The following AGTPBP1 variants were observed in gnomAD, a reference collection of about 807,000 sequenced individuals.
The protein encoded by AGTPBP1 is ATP/GTP binding carboxypeptidase 1, also known as cytosolic carboxypeptidase 1.
A neutral mutation model predicts 143.9 loss-of-function variants in AGTPBP1; 70 were observed. The ratio of observed to expected loss-of-function variants is 0.49; its 90% confidence interval spans 0.40 to 0.59. The LOEUF (loss-of-function observed/expected upper bound fraction) is 0.59. Ranked by LOEUF, AGTPBP1 falls within the 20% of genes least tolerant of loss-of-function variation. The probability of loss-of-function intolerance (pLI) is 0.00; values close to 1 mark genes in which losing one functional copy is unlikely to be tolerated. For missense variants in AGTPBP1, 1,229 were observed against 1,464.5 expected (o/e 0.84, Z 2.62); for synonymous variants, 463 against 500.2 (o/e 0.93, Z 0.99).
chr9:85,643,039 C>T (rs1292752821), intron 12 of AGTPBP1, 96 bp from the exon 13 acceptor site: 1 of 762,982 alleles, frequency 1.3e-6, no homozygotes, highest in Non-Finnish European at 2.1e-6. Flanking sequence ...TTATTAATTA[C>T]ATGTAATTAA....
rs1472141503 is a variant in AGTPBP1, at chr9:85,592,682, C to T, written c.2446G>A (p.Val816Ile). The T allele has an allele frequency of 6.2e-7, 1 of 1,610,696 alleles. No homozygotes were observed. ...YYKNHFSRSS[V>I]AAGGQKGKSY... Reference sequence around the variant, plus strand: ...TTTCCCTTTTGCCCACCTGCAGCAACTGAACTTCTTGAGAAATGATTTCTG... The same window carrying T: ...TTTCCCTTTTGCCCACCTGCAGCAATTGAACTTCTTGAGAAATGATTTCTG... The change falls in exon 19 of 26, where the codon GTT becomes ATT. Residue 816 changes from valine (V) to isoleucine (I), a missense_variant. Val to Ile is a conservative substitution (Grantham distance 29, BLOSUM62 3). Transcript: ENST00000357081.
At chr9:85,627,313 A>G (rs1167796337) in intron 14 of AGTPBP1, among the ~76,000 whole-genome samples, 1 of 152,138 alleles carries the variant, frequency 6.6e-6, no homozygotes, top group Non-Finnish European at 1.5e-5. Flanking sequence ...TTCAGAGAGC[A>G]TCCTGCCCTG....
chr9:85,656,399 T>C lies in AGTPBP1; in HGVS notation c.909+1036A>G, dbSNP rs185599204. Among the ~76,000 whole-genome samples the C allele has an allele frequency of 3.3e-5, 5 of 152,258 alleles. No homozygotes were observed. The East Asian group carries it at 9.6e-4, about 29-fold the overall frequency. On this transcript the variant is annotated intron_variant, in intron 10 of 25. Transcript: ENST00000357081. ...TATATAAAATATCCATCAATGTCTA[T>C]ACTAGGAATAGTAAAAACAAGTACA...
chr9:85,772,254 G>A, the AGTPBP1 span, among the ~76,000 whole-genome samples: 2 of 152,168 alleles, frequency 1.3e-5, no homozygotes, highest in Non-Finnish European at 2.9e-5. Context: ...GATTACAGGT[G>A]TGAGCCACCG....
intron 17 of AGTPBP1, among the ~76,000 whole-genome samples, chr9:85,599,829 A>G (rs1421692544): frequency 6.6e-6 from 1 of 152,220 alleles, no homozygotes. Context: ...TTCCAGTGCT[A>G]TAGATGAACA....
At chr9:85,575,748 A>G (rs567363638) in intron 24 of AGTPBP1, among the ~76,000 whole-genome samples, 1 of 152,288 alleles carries the variant, frequency 6.6e-6, no homozygotes, top group South Asian at 2.1e-4. Flanking sequence ...GGGGGAAAAA[A>G]TACAGTAACA....
intron 17 of AGTPBP1, 69 bp from the exon 18 acceptor site, chr9:85,596,518 T>G: frequency 9.3e-7 from 1 of 1,070,970 alleles, no homozygotes; most frequent in Non-Finnish European, 1.3e-6. Flanking sequence ...AATCTTGCCT[T>G]TGTAGAAAGC....
At chr9:85,738,941 T>C (rs1382227460) in intron 1 of AGTPBP1, among the ~76,000 whole-genome samples, 2 of 152,148 alleles carry the variant, frequency 1.3e-5, no homozygotes, top group African/African-American at 4.8e-5. Context: ...GGGCACTTAC[T>C]ACATGCCAGG....
chr9:85,633,700 T>C (rs1211475601), intron 13 of AGTPBP1, among the ~76,000 whole-genome samples: 1 of 152,154 alleles, frequency 6.6e-6, no homozygotes, highest in East Asian at 1.9e-4. Context: ...GTCTGTTTTG[T>C]GCAATATTTA....
chr9:85,699,335 G>C lies in AGTPBP1; in HGVS notation c.33-6522C>G, dbSNP rs192220309. 1.6e-4 allele frequency among the ~76,000 whole-genome samples: 24 copies of C among 151,912 alleles called. No homozygotes were observed. The East Asian group carries it at 2.3e-3, about 15-fold the overall frequency. ...ACTCAAATATTTGTTTCATTGTATTGGTCTCATGCTGCTTTTGATTCTTTG... is the reference window on the plus strand; with the variant it reads ...ACTCAAATATTTGTTTCATTGTATTCGTCTCATGCTGCTTTTGATTCTTTG... On this transcript the variant is annotated intron_variant, in intron 2 of 25. Transcript: ENST00000357081.
At position 85,579,037 on chromosome 9, in the gene AGTPBP1, G is replaced by A. The variant is rs748600148; in HGVS notation, c.3225C>T (p.Phe1075=). Residue 1075 remains phenylalanine, a synonymous_variant, in exon 24 of 26, where the codon TTC becomes TTT. Transcript: ENST00000357081. ...APAFCMSSCS[F]VVEKSKESTA... is the part of the protein sequence containing the mutation. ...TGGATTCTTTAGATTTTTCCACTAC[G>A]AAGCTACAGCTGCTCATGCAAAATG... 16 of 1,610,928 alleles carry A rather than the reference G, an allele frequency of 9.9e-6. No individual in the cohort carries two copies. The highest frequency in any genetic ancestry group is 6.8e-5 in the Admixed American group (4 of 59,224).
chr9:85,600,771 GCA>G (rs1353702685), intron 17 of AGTPBP1, among the ~76,000 whole-genome samples: 1 of 152,100 alleles, frequency 6.6e-6, no homozygotes, highest in Admixed American at 6.5e-5. Flanking sequence ...AGCAGCATTG[GCA>G]CAGTTTTGAG....
intron 25 of AGTPBP1, among the ~76,000 whole-genome samples, chr9:85,571,859 A>G (rs1194241339): frequency 6.6e-6 from 1 of 152,196 alleles, no homozygotes; most frequent in East Asian, 1.9e-4. Context: ...TATGTAAAAA[A>G]TTCATTTGAG....
chr9:85,761,060 T>A, the AGTPBP1 span, among the ~76,000 whole-genome samples: 1 of 152,180 alleles, frequency 6.6e-6, no homozygotes, highest in South Asian at 2.1e-4. Flanking sequence ...GGAATCCAAC[T>A]TAGAAGGGAT....
At chr9:85,712,436 T>A (rs960952405) in intron 2 of AGTPBP1, 66 bp downstream of exon 2, 3 of 803,986 alleles carry the variant, frequency 3.7e-6, no homozygotes, top group Non-Finnish European at 5.7e-6. Context: ...AAGTATTGAG[T>A]TTCAAGTAAT....
intron 17 of AGTPBP1, among the ~76,000 whole-genome samples, chr9:85,603,647 G>T (rs893937783): frequency 2.6e-5 from 4 of 152,074 alleles, no homozygotes; most frequent in Admixed American, 2.6e-4. Context: ...TTGCAGCTTG[G>T]TCACCAGCTT....
At chr9:85,760,798 G>C in the AGTPBP1 span, among the ~76,000 whole-genome samples, 19 of 152,040 alleles carry the variant, frequency 1.2e-4, no homozygotes, top group Admixed American at 3.3e-4. Context: ...AGAAATAAAG[G>C]GTATTCAGTT....
At chr9:85,798,881 G>C in the AGTPBP1 span, among the ~76,000 whole-genome samples, 1 of 151,998 alleles carries the variant, frequency 6.6e-6, no homozygotes, top group African/African-American at 2.4e-5. Flanking sequence ...TTAAGTTCTA[G>C]GGTACATGTG....
chr9:85,644,168 TAG>T (rs1025494316), intron 12 of AGTPBP1, among the ~76,000 whole-genome samples: 1 of 151,926 alleles, frequency 6.6e-6, no homozygotes, highest in Non-Finnish European at 1.5e-5. Flanking sequence ...ATATGCATAA[TAG>T]AGATTGATTT....
Sources: allele counts gnomAD v4.1 joint callset (sites outside exome capture counted in the v4.1 genomes callset), GRCh38; gene constraint gnomAD v4.1.1; transcripts MANE v1.5; gene names NCBI Gene and HGNC (gene_info 2026-07-23, HGNC 2026-07-21).